The following MACROD2 variants were observed in gnomAD, a reference collection of about 807,000 sequenced individuals.
MACROD2 encodes ADP-ribose glycohydrolase MACROD2.
In MACROD2, 36 loss-of-function variants were observed where a neutral mutation model predicts 70.4. That is an observed-to-expected ratio of 0.51 (90% CI 0.39 to 0.68). MACROD2 has a LOEUF of 0.68. MACROD2 is among the 30% of genes least tolerant of loss of function. The probability of loss-of-function intolerance (pLI) is 0.00; values close to 1 mark genes in which losing one functional copy is unlikely to be tolerated. For missense variants in MACROD2, 496 were observed against 538.4 expected, an observed-to-expected ratio of 0.92 and a Z score of 0.78; for synonymous variants, 172 against 178.8, an observed-to-expected ratio of 0.96 and a Z score of 0.30.
At chr20:14,545,665 A>C (rs6079484) in intron 4 of MACROD2, among the ~76,000 whole-genome samples, 1 of 152,102 alleles carries the variant, frequency 6.6e-6, no homozygotes, top group African/African-American at 2.4e-5. Context: ...TAACATCTAA[A>C]TGCTTTGTTT....
chr20:14,737,923 A>G lies in MACROD2; in HGVS notation c.418+52964A>G, dbSNP rs73262892. The stretch of plus-strand genomic sequence containing the variant: ...CTTTGGAAGAACTGAAAGCTGGCCT[A>G]TGCCAGATGTTAACAAAATAGCAAT... On this transcript the variant is annotated intron_variant, in intron 5 of 17. Coordinates refer to ENST00000684519, the MANE Select transcript of MACROD2 (RefSeq NM_001351661.2). 6.2e-3 allele frequency among the ~76,000 whole-genome samples: 946 copies of G among 152,326 alleles called. 9 individuals carry two copies. The highest frequency in any genetic ancestry group is 0.022 in the African/African-American group (900 of 41,574).
chr20:15,046,796 T>C (rs2075398104), intron 5 of MACROD2, among the ~76,000 whole-genome samples: 1 of 152,210 alleles, frequency 6.6e-6, no homozygotes, highest in Admixed American at 6.5e-5. Context: ...CACGCCTAGG[T>C]TATAAATTAC....
At chr20:15,943,933 C>T (rs2065785464) in intron 12 of MACROD2, among the ~76,000 whole-genome samples, 1 of 151,940 alleles carries the variant, frequency 6.6e-6, no homozygotes, top group South Asian at 2.1e-4. Flanking sequence ...AAATAAAAGT[C>T]TTTATTCTAT....
At chr20:15,084,003 C>T (rs1254611456) in intron 5 of MACROD2, among the ~76,000 whole-genome samples, 1 of 150,792 alleles carries the variant, frequency 6.6e-6, no homozygotes, top group East Asian at 1.9e-4. Flanking sequence ...CAAGGGGAAG[C>T]TTGGATTCTT....
chr20:15,773,872 G>C (rs1211825939), intron 8 of MACROD2, among the ~76,000 whole-genome samples: 1 of 152,074 alleles, frequency 6.6e-6, no homozygotes, highest in Non-Finnish European at 1.5e-5. Flanking sequence ...AAGAAGATGA[G>C]GAGATGCAGT....
chr20:14,289,125 A>G (rs1258405660), intron 3 of MACROD2, among the ~76,000 whole-genome samples: 2 of 152,194 alleles, frequency 1.3e-5, no homozygotes, highest in Admixed American at 6.5e-5. Flanking sequence ...AGTATTAGTC[A>G]TGGCTGACTC....
At chr20:15,335,724 C>T (rs1331599154) in intron 6 of MACROD2, among the ~76,000 whole-genome samples, 1 of 151,622 alleles carries the variant, frequency 6.6e-6, no homozygotes, top group Non-Finnish European at 1.5e-5. Context: ...ACTTCCCTCT[C>T]AAAATTTCTT....
chr20:14,668,975 C>A (rs1397019614), intron 4 of MACROD2, among the ~76,000 whole-genome samples: 1 of 152,020 alleles, frequency 6.6e-6, no homozygotes, highest in Non-Finnish European at 1.5e-5. Context: ...AAAACTTAGT[C>A]TTTATTAAGC....
intron 3 of MACROD2, among the ~76,000 whole-genome samples, chr20:14,334,221 A>G (rs756387751): frequency 4.6e-5 from 7 of 152,228 alleles, no homozygotes; most frequent in Non-Finnish European, 1.0e-4. Context: ...CAACATAAAC[A>G]TAGCTTTGAA....
At chr20:15,001,647 G>A (rs985471242) in intron 5 of MACROD2, among the ~76,000 whole-genome samples, 11 of 151,944 alleles carry the variant, frequency 7.2e-5, no homozygotes, top group Admixed American at 6.6e-4. Flanking sequence ...GGGTTTTCTA[G>A]GGGGATTTAT....
chr20:16,035,169 TAAA>T (rs374047204), intron 15 of MACROD2, among the ~76,000 whole-genome samples: 49,055 of 80,390 alleles, frequency 0.61, 12,429 homozygotes, highest in South Asian at 0.7. Flanking sequence ...ATATAAAATA[TAAA>T]ATATTATATA....
At chr20:15,876,109 A>ATATATATATATGTATGTATG (rs57817982) in intron 9 of MACROD2, among the ~76,000 whole-genome samples, 3 of 124,466 alleles carry the variant, frequency 2.4e-5, no homozygotes, top group Non-Finnish European at 4.7e-5. Flanking sequence ...ATATATATAT[A>ATATATATATATGTATGTATG]TATGTGTGTA....
intron 5 of MACROD2, among the ~76,000 whole-genome samples, chr20:14,692,470 G>C (rs2123613855): frequency 6.6e-6 from 1 of 152,262 alleles, no homozygotes; most frequent in South Asian, 2.1e-4. Flanking sequence ...AAGAAGGGAA[G>C]GTGTCCTATG....
At chr20:15,834,426 A>G (rs1193518414) in intron 8 of MACROD2, among the ~76,000 whole-genome samples, 1 of 152,170 alleles carries the variant, frequency 6.6e-6, no homozygotes, top group Non-Finnish European at 1.5e-5. Flanking sequence ...TCCCATTCCC[A>G]ACTACCAAGT....
In MACROD2 at chr20:14,515,130, A is replaced by G. The variant is rs140220663; in HGVS notation, c.301+21622A>G. 5.4e-3 allele frequency among the ~76,000 whole-genome samples: 821 copies of G among 152,250 alleles called. 21 individuals are homozygous for G. Among genetic ancestry groups the G allele is most frequent in the Admixed American group, 0.045 (687 of 15,260 alleles). On this transcript the variant is annotated intron_variant, in intron 4 of 17. Transcript: ENST00000684519. ...TAAACTGAAAATTCTACAAAGCTCA[A>G]TAGATGAGCTGAAAAAGAAAGTCAC...
At chr20:15,872,827 G>C (rs1212450107) in intron 9 of MACROD2, among the ~76,000 whole-genome samples, 1 of 152,108 alleles carries the variant, frequency 6.6e-6, no homozygotes, top group East Asian at 1.9e-4. Flanking sequence ...ATTACATTTT[G>C]TTGCTTATCC....
At chr20:15,588,113 G>A (rs969433758) in intron 8 of MACROD2, among the ~76,000 whole-genome samples, 2 of 152,184 alleles carry the variant, frequency 1.3e-5, no homozygotes, top group East Asian at 1.9e-4. Flanking sequence ...TCTAGGCAGA[G>A]GTTCCCAAAC....
intron 13 of MACROD2, among the ~76,000 whole-genome samples, chr20:15,972,066 C>G (rs1186828115): frequency 6.6e-6 from 1 of 152,096 alleles, no homozygotes; most frequent in Non-Finnish European, 1.5e-5. Flanking sequence ...ATTCAAAACA[C>G]AGTGCCTGAA....
intron 8 of MACROD2, among the ~76,000 whole-genome samples, chr20:15,813,195 ACT>A (rs1239572953): frequency 6.6e-6 from 1 of 152,194 alleles, no homozygotes; most frequent in Non-Finnish European, 1.5e-5. Context: ...TTGAATTCTA[ACT>A]CAGCAACTCA....
Sources: allele counts gnomAD v4.1 joint callset (sites outside exome capture counted in the v4.1 genomes callset), GRCh38; gene constraint gnomAD v4.1.1; transcripts MANE v1.5; gene names NCBI Gene and HGNC (gene_info 2026-07-23, HGNC 2026-07-21).